CDC73: variants seen among roughly 807,000 people sequenced by gnomAD.
CDC73 encodes the protein parafibromin.
CDC73 carries 21 observed loss-of-function variants against 83.7 expected under a neutral mutation model. The ratio of observed to expected loss-of-function variants is 0.25; its 90% CI spans 0.18 to 0.36. The LOEUF (loss-of-function observed/expected upper bound fraction) is 0.36. Among genes scored for constraint, CDC73 ranks in the 10% least tolerant of loss-of-function variants. The pLI is 1.00. For missense variants in CDC73, 342 were observed against 653.3 expected (o/e 0.52, Z 5.19); for synonymous variants, 224 against 212.9 (o/e 1.05, Z -0.45).
At chr1:193,160,024 A>G (rs6428152) in intron 10 of CDC73, among the ~76,000 whole-genome samples, 101,798 of 152,036 alleles carry the variant, frequency 0.67, 34,523 homozygotes, top group South Asian at 0.78. Flanking sequence ...TTTAGTTTAT[A>G]TATCTTAACT....
intron 5 of CDC73, among the ~76,000 whole-genome samples, chr1:193,137,260 G>GATTTATTCATTTTAA (rs1675818060): frequency 6.6e-6 from 1 of 152,196 alleles, no homozygotes; most frequent in Admixed American, 6.5e-5. Flanking sequence ...TATTTCAGCT[G>GATTTATTCATTTTAA]ATTTATTCAT....
chr1:193,237,334 A>G (rs934540861), intron 15 of CDC73, among the ~76,000 whole-genome samples: 1 of 152,188 alleles, frequency 6.6e-6, no homozygotes, highest in Non-Finnish European at 1.5e-5. Context: ...ATTTAAAAAA[A>G]AAGAATTCTA....
intron 11 of CDC73, among the ~76,000 whole-genome samples, 196 bp downstream of exon 11, chr1:193,204,048 C>T (rs942032489): frequency 1.3e-5 from 2 of 151,868 alleles, no homozygotes; most frequent in Admixed American, 1.3e-4. Context: ...GCTTGCTAAA[C>T]TTCAGTCAGC....
chr1:193,127,311 G>C (rs185846606), intron 2 of CDC73, among the ~76,000 whole-genome samples: 2 of 149,410 alleles, frequency 1.3e-5, no homozygotes, highest in African/African-American at 2.5e-5. Context: ...GTGTGTGTGT[G>C]TGTGTGATTA....
chr1:193,166,404 G>T (rs1297997486), intron 10 of CDC73, among the ~76,000 whole-genome samples: 2 of 152,172 alleles, frequency 1.3e-5, no homozygotes, highest in African/African-American at 2.4e-5. Flanking sequence ...GCTTCTCAAA[G>T]TGCAGAGATT....
chr1:193,146,187 C>T lies in CDC73; in HGVS notation c.730-1680C>T, dbSNP rs1272318218. Among the ~76,000 whole-genome samples, 3 of 152,184 alleles carry T rather than the reference C, an allele frequency of 2.0e-5. No homozygotes were observed. The East Asian group carries it at 5.8e-4, about 29-fold the overall frequency. On this transcript the variant is annotated intron_variant, in intron 7 of 16. Transcript: ENST00000367435. ...ATCATCATTGTACCCAAGTGCCAAG[C>T]AAGGTGTTTGGCTTAGAGTAGATTC...
At chr1:193,238,069 G>A (rs1395507382) in intron 15 of CDC73, among the ~76,000 whole-genome samples, 1 of 152,106 alleles carries the variant, frequency 6.6e-6, no homozygotes, top group African/African-American at 2.4e-5. Flanking sequence ...TATAAATGTT[G>A]TATGAAATTC....
At chr1:193,156,304 A>G (rs546995006) in intron 10 of CDC73, among the ~76,000 whole-genome samples, 2 of 152,104 alleles carry the variant, frequency 1.3e-5, no homozygotes, top group Admixed American at 1.3e-4. Context: ...TCTAACCTCT[A>G]TTTGTTCTTA....
intron 13 of CDC73, among the ~76,000 whole-genome samples, chr1:193,215,771 G>A (rs1677357344): frequency 6.6e-6 from 1 of 151,884 alleles, no homozygotes; most frequent in Non-Finnish European, 1.5e-5. Context: ...TGTATTTTTT[G>A]TAGAGACTGG....
At chr1:193,199,026 A>G (rs1677046186) in intron 10 of CDC73, among the ~76,000 whole-genome samples, 3 of 152,236 alleles carry the variant, frequency 2.0e-5, no homozygotes, top group Admixed American at 6.5e-5. Context: ...TTTAAATTTT[A>G]TAGCCCTTTA....
intron 15 of CDC73, among the ~76,000 whole-genome samples, chr1:193,244,931 G>A (rs991467987): frequency 6.6e-6 from 1 of 152,126 alleles, no homozygotes; most frequent in Non-Finnish European, 1.5e-5. Context: ...GTCACTATGT[G>A]TCTTTAGTGC....
intron 15 of CDC73, among the ~76,000 whole-genome samples, chr1:193,243,717 AAAGT>A (rs1164120758): frequency 6.6e-6 from 1 of 152,192 alleles, no homozygotes; most frequent in Non-Finnish European, 1.5e-5. Flanking sequence ...TACTACTTTG[AAAGT>A]AAGTTTCTTG....
At chr1:193,142,114 AGAGT>A in intron 7 of CDC73, 48 bp downstream of exon 7, 2 of 1,437,064 alleles carry the variant, frequency 1.4e-6, no homozygotes, top group Non-Finnish European at 2.0e-6. Flanking sequence ...AGAGAGAGAG[AGAGT>A]GCGTTTAATC....
chr1:193,191,248 C>T (rs1306526384), intron 10 of CDC73, among the ~76,000 whole-genome samples: 1 of 152,038 alleles, frequency 6.6e-6, no homozygotes, highest in East Asian at 1.9e-4. Context: ...TTTGAGTCAC[C>T]AATATACCAG....
Position 193,251,596 on chromosome 1 carries a change from G to T in CDC73, c.*884G>T. 1 of 231,952 alleles carries T rather than the reference G, an allele frequency of 4.3e-6. No individual in the cohort carries two copies. Among genetic ancestry groups the T allele is most frequent in the Non-Finnish European group, 8.5e-6 (1 of 117,008 alleles). 14.4% of individuals were successfully genotyped at this position (231,952 alleles called of 1,614,324 possible). A position where few individuals can be genotyped will look rare whatever the true frequency, so the allele number is the denominator to read the frequency against. The stretch of plus-strand genomic sequence containing the variant: ...CTTCTATTTTAGGCTTGTCAGTCTT[G>T]GAGTTCTTATCTTCCATTATCCCTA... On this transcript the variant is annotated 3_prime_UTR_variant, in exon 17 of 17. Coordinates refer to ENST00000367435, the MANE Select transcript of CDC73 (RefSeq NM_024529.5).
intron 10 of CDC73, among the ~76,000 whole-genome samples, chr1:193,156,558 A>T (rs1007275838): frequency 6.6e-6 from 1 of 152,092 alleles, no homozygotes; most frequent in Non-Finnish European, 1.5e-5. Flanking sequence ...TCTCAGGAGG[A>T]TCCAGAATCT....
chr1:193,181,301 G>C (rs200584199), intron 10 of CDC73: 1 of 1,614,006 alleles, frequency 6.2e-7, no homozygotes, highest in East Asian at 2.2e-5. Flanking sequence ...AGGGTTTGAG[G>C]GACTGTTTCT....
intron 9 of CDC73, among the ~76,000 whole-genome samples, chr1:193,151,354 T>C (rs1312281244): frequency 6.6e-6 from 1 of 152,230 alleles, no homozygotes; most frequent in Non-Finnish European, 1.5e-5. Flanking sequence ...TCTTTCATTA[T>C]AATATTCAAT....
At chr1:193,123,163 TTC>T (rs2103112481) in intron 1 of CDC73, among the ~76,000 whole-genome samples, 1 of 152,330 alleles carries the variant, frequency 6.6e-6, no homozygotes, top group East Asian at 1.9e-4. Context: ...CTCATTTTGT[TTC>T]TTTGAATGGA....
Sources: gnomAD v4.1 joint callset for allele counts (sites outside exome capture counted in the v4.1 genomes callset) on GRCh38, gnomAD v4.1.1 for gene constraint, MANE v1.5 for transcripts, NCBI Gene and HGNC (gene_info 2026-07-23, HGNC 2026-07-21) for gene names.